The following PCDHA6 variants were observed in gnomAD, a reference collection of about 807,000 sequenced individuals.
The protein encoded by PCDHA6 is protocadherin alpha 6.
PCDHA6 carries 55 observed loss-of-function variants against 60.3 expected under a neutral mutation model. That is an observed-to-expected ratio of 0.91 (90% CI 0.73 to 1.14). The LOEUF (loss-of-function observed/expected upper bound fraction) is 1.14. PCDHA6 is among the 50% of genes most tolerant of loss of function. PCDHA6 has a pLI of 0.00. For missense variants in PCDHA6, 1,327 were observed against 1,256.5 expected, an observed-to-expected ratio of 1.06 and a Z score of -0.85; for synonymous variants, 652 against 557.9, an observed-to-expected ratio of 1.17 and a Z score of -2.38.
At chr5:140,903,545 CTT>C (rs1410531246) in intron 1 of PCDHA6, among the ~76,000 whole-genome samples, 2 of 152,130 alleles carry the variant, frequency 1.3e-5, no homozygotes, top group East Asian at 3.8e-4. Flanking sequence ...GAGCAAGAAA[CTT>C]TTCTAATAAG....
At chr5:140,866,122 C>T (rs556292123) in intron 1 of PCDHA6, 1 of 152,178 alleles carries the variant, frequency 6.6e-6, no homozygotes, top group East Asian at 1.9e-4. Flanking sequence ...CTTATAAGAA[C>T]TACGTATCTG....
intron 1 of PCDHA6, among the ~76,000 whole-genome samples, chr5:140,978,211 A>T (rs185344384): frequency 1.3e-5 from 2 of 152,340 alleles, no homozygotes; most frequent in African/African-American, 4.8e-5. Flanking sequence ...AACTAATGCA[A>T]AATGTATCAG....
chr5:140,967,181 T>C (rs782433025), intron 1 of PCDHA6: 4 of 1,613,136 alleles, frequency 2.5e-6, no homozygotes, highest in East Asian at 2.2e-5. Context: ...GGTGGAAATA[T>C]TGGACATCAA....
intron 1 of PCDHA6, among the ~76,000 whole-genome samples, chr5:140,886,636 G>A (rs555391002): frequency 2.6e-5 from 4 of 151,866 alleles, no homozygotes; most frequent in Non-Finnish European, 4.4e-5. Flanking sequence ...GACCAGCCTG[G>A]CCAACATGGT....
intron 1 of PCDHA6, chr5:140,869,173 T>C: frequency 6.2e-7 from 1 of 1,613,884 alleles, no homozygotes; most frequent in African/African-American, 1.3e-5. Flanking sequence ...CCTCGAATTC[T>C]GGGAGGTGGG....
At chr5:140,836,589 A>G in intron 1 of PCDHA6, 2 of 1,613,682 alleles carry the variant, frequency 1.2e-6, no homozygotes. Context: ...TAGTTTGGTA[A>G]AGCCCACTCT....
Position 140,830,451 on chromosome 5 carries a change from A to G in PCDHA6, c.2360A>G (p.Glu787Gly). ...TGTCCTATTATGATGGGTAAGGCGGAGAATCAGGATTTAAATGAAGATCAT... is the reference window on the plus strand; with the variant it reads ...TGTCCTATTATGATGGGTAAGGCGGGGAATCAGGATTTAAATGAAGATCAT... ...SPCPIMMGKA[E>G]NQDLNEDHDA... is the part of the protein sequence containing the mutation. The change falls in exon 1 of 4, where the codon GAG becomes GGG. Residue 787 changes from glutamate (E) to glycine (G), a missense_variant. Glu to Gly is a moderately conservative substitution (Grantham distance 98). Transcript: ENST00000529310. The G allele has an allele frequency of 6.3e-7, 1 of 1,597,306 alleles. No individual in the cohort carries two copies. The highest frequency in any genetic ancestry group is 1.1e-5 in the South Asian group (1 of 88,684).
rs77098340 is a variant in PCDHA6 at position 140,895,412 on chromosome 5, C to T, written c.2394+64927C>T. 8.0e-3 allele frequency among the ~76,000 whole-genome samples: 1,218 copies of T among 152,216 alleles called. 6 individuals carry two copies. Among genetic ancestry groups the T allele is most frequent in the African/African-American group, 0.019 (785 of 41,528 alleles). On this transcript the variant is annotated intron_variant, in intron 1 of 3. Coordinates refer to ENST00000529310, the MANE Select transcript of PCDHA6 (RefSeq NM_018909.4). The stretch of plus-strand genomic sequence containing the variant: ...CTCAACACCATCAAAAGCCCCATAA[C>T]CTTCTTTTGCTTCCTCCTGAGACTC...
chr5:140,953,110 G>A (rs1384996852), intron 1 of PCDHA6, among the ~76,000 whole-genome samples: 2 of 152,074 alleles, frequency 1.3e-5, no homozygotes, highest in Non-Finnish European at 2.9e-5. Flanking sequence ...ATTTGGGCAG[G>A]GACACAGATC....
chr5:140,829,400 G>A lies in PCDHA6; in HGVS notation c.1309G>A (p.Ala437Thr). 6.2e-7 allele frequency: 1 copy of A among 1,614,056 alleles called. No homozygotes were observed. The highest frequency in any genetic ancestry group is 8.5e-7 in the Non-Finnish European group (1 of 1,180,036). ...ARDGGSPSLW[A>T]TASLSVEVAD... ...GGACGGGGGCTCGCCTTCGCTGTGG[G>A]CCACCGCCAGCTTGTCTGTGGAGGT... Residue 437 changes from alanine (A) to threonine (T), a missense_variant, in exon 1 of 4, where the codon GCC becomes ACC. Transcript: ENST00000529310.
At chr5:140,942,530 T>C (rs963252648) in intron 1 of PCDHA6, among the ~76,000 whole-genome samples, 5 of 151,374 alleles carry the variant, frequency 3.3e-5, no homozygotes, top group Non-Finnish European at 5.9e-5. Flanking sequence ...AGCAACTAAC[T>C]CAGTATGGTG....
intron 3 of PCDHA6, among the ~76,000 whole-genome samples, chr5:140,992,758 G>T (rs1160312796): frequency 6.6e-6 from 1 of 152,182 alleles, no homozygotes; most frequent in Non-Finnish European, 1.5e-5. Flanking sequence ...CTGTGTTGGG[G>T]ATAGGAGGGT....
intron 1 of PCDHA6, chr5:140,877,356 T>G (rs1227079705): frequency 9.9e-6 from 16 of 1,613,866 alleles, no homozygotes; most frequent in Non-Finnish European, 1.4e-5. Flanking sequence ...GGCTGTACAC[T>G]GGCGAGATCA....
chr5:140,861,061 A>G (rs1278905276), intron 1 of PCDHA6: 1 of 152,226 alleles, frequency 6.6e-6, no homozygotes, highest in Admixed American at 6.5e-5. Context: ...AGAAAATCAG[A>G]TTATTCCTAG....
intron 3 of PCDHA6, among the ~76,000 whole-genome samples, chr5:140,999,505 A>T (rs1221080631): frequency 1.3e-5 from 2 of 152,134 alleles, no homozygotes; most frequent in African/African-American, 4.8e-5. Context: ...AAGAACCTAC[A>T]TTTTAAGCAT....
At chr5:140,970,960 G>T (rs3776114) in intron 1 of PCDHA6, among the ~76,000 whole-genome samples, 54,597 of 152,034 alleles carry the variant, frequency 0.36, 10,036 homozygotes, top group Admixed American at 0.46. Context: ...ATGGGAGGCA[G>T]ATTGTAGATT....
At chr5:140,915,266 C>T (rs1554196835) in intron 1 of PCDHA6, among the ~76,000 whole-genome samples, 1 of 151,940 alleles carries the variant, frequency 6.6e-6, no homozygotes, top group Non-Finnish European at 1.5e-5. Context: ...TTATTTTTGA[C>T]CAGTTCATCA....
At chr5:140,841,519 G>C (rs1777296865) in intron 1 of PCDHA6, 1 of 1,613,472 alleles carries the variant, frequency 6.2e-7, no homozygotes, top group African/African-American at 1.3e-5. Context: ...TGTTCCGGGT[G>C]GCGTCCAAAA....
intron 1 of PCDHA6, among the ~76,000 whole-genome samples, chr5:140,941,343 G>C (rs2093045496): frequency 8.8e-6 from 1 of 114,104 alleles, no homozygotes. Context: ...TTCAGATGGA[G>C]TCTTGCTCTG....
Sources: gnomAD v4.1 joint callset for allele counts (sites outside exome capture counted in the v4.1 genomes callset) on GRCh38, gnomAD v4.1.1 for gene constraint, MANE v1.5 for transcripts, NCBI Gene and HGNC (gene_info 2026-07-23, HGNC 2026-07-21) for gene names.